Variants in DGKB observed in about 807,000 individuals in gnomAD.
The protein encoded by DGKB is diacylglycerol kinase beta.
In DGKB, 67 loss-of-function variants were observed where a neutral mutation model predicts 114.3. The observed-to-expected ratio is 0.59, with a 90% CI of 0.48 to 0.72. The LOEUF is 0.72. Among genes scored for constraint, DGKB ranks in the 30% least tolerant of loss-of-function variants. The pLI, the probability that DGKB is intolerant of heterozygous loss-of-function variation, is 0.00. For missense variants in DGKB, 907 were observed against 975.2 expected (o/e 0.93, Z 0.93); for synonymous variants, 398 against 323.1 (o/e 1.23, Z -2.49).
chr7:14,239,807 T>C (rs1015053596), intron 23 of DGKB, among the ~76,000 whole-genome samples: 2 of 152,054 alleles, frequency 1.3e-5, no homozygotes, highest in South Asian at 2.1e-4. Context: ...CATAGTTTTA[T>C]GTGTGATTTT....
rs540698710 is a variant in DGKB at position 14,931,013 on chromosome 7, A to C, written c.-188+43683T>G. The stretch of plus-strand genomic sequence containing the variant: ...TTTATGTGTTGTATCACATTTATTA[A>C]TTTGTATATATGTTAAACCATCTTG... On this transcript the variant is annotated intron_variant, in intron 1 of 4. Transcript: ENST00000437998. 3.3e-5 allele frequency among the ~76,000 whole-genome samples: 5 copies of C among 151,844 alleles called. No homozygotes were observed. The South Asian group carries it at 1.0e-3, about 32-fold the overall frequency.
At chr7:14,646,231 TCAGA>T (rs1398208355) in intron 13 of DGKB, among the ~76,000 whole-genome samples, 2 of 152,238 alleles carry the variant, frequency 1.3e-5, no homozygotes, top group South Asian at 4.1e-4. Context: ...TATATTTGTA[TCAGA>T]CAAAGTAGAC....
chr7:14,193,204 T>C (rs1584371074), intron 23 of DGKB, among the ~76,000 whole-genome samples: 1 of 149,682 alleles, frequency 6.7e-6, no homozygotes, highest in African/African-American at 2.4e-5. Flanking sequence ...TATAAAATTC[T>C]GTAGAACTAC....
intron 13 of DGKB, among the ~76,000 whole-genome samples, chr7:14,655,296 C>T (rs1208722327): frequency 1.3e-5 from 2 of 151,624 alleles, no homozygotes; most frequent in African/African-American, 4.8e-5. Flanking sequence ...TGTTCAGCAT[C>T]ACTAATCATC....
chr7:14,402,326 T>A (rs1823258136), intron 21 of DGKB, among the ~76,000 whole-genome samples: 1 of 151,870 alleles, frequency 6.6e-6, no homozygotes. Flanking sequence ...AATTTAATGA[T>A]AAAGATGATA....
intron 16 of DGKB, among the ~76,000 whole-genome samples, chr7:14,610,786 A>T (rs1261731084): frequency 6.6e-6 from 1 of 152,056 alleles, no homozygotes; most frequent in Non-Finnish European, 1.5e-5. Context: ...ACTTAAAAAA[A>T]ATGCCTATCA....
chr7:14,164,763 GTATAATTGGGGA>G (rs1261435734), intron 25 of DGKB, among the ~76,000 whole-genome samples: 1 of 151,972 alleles, frequency 6.6e-6, no homozygotes, highest in Non-Finnish European at 1.5e-5. Context: ...TTTTGGGGGG[GTATAATTGGGGA>G]TTACAGGGAA....
chr7:14,202,138 G>T (rs1785990007), intron 23 of DGKB, among the ~76,000 whole-genome samples: 2 of 152,066 alleles, frequency 1.3e-5, no homozygotes, highest in South Asian at 4.1e-4. Flanking sequence ...TATTTATCTA[G>T]CTCTGTTTAG....
At chr7:14,169,514 C>G (rs7780524) in intron 25 of DGKB, among the ~76,000 whole-genome samples, 2 of 151,920 alleles carry the variant, frequency 1.3e-5, no homozygotes, top group Admixed American at 1.3e-4. Flanking sequence ...AGGCAAAAAA[C>G]GAAGTACTAT....
chr7:14,154,206 T>A (rs1782639349), intron 25 of DGKB, among the ~76,000 whole-genome samples: 3 of 143,084 alleles, frequency 2.1e-5, no homozygotes, highest in African/African-American at 2.6e-5. Context: ...TTAAGAAAAA[T>A]GAGATCTATT....
intron 23 of DGKB, among the ~76,000 whole-genome samples, chr7:14,332,182 C>A (rs182846434): frequency 2.8e-4 from 42 of 152,154 alleles, no homozygotes; most frequent in Admixed American, 5.9e-4. Context: ...GGCCCCTATT[C>A]TAAGCTTCTA....
rs191585788 is a variant in DGKB, at chr7:14,900,365, A to G, written c.-188+2227T>C. 1.6e-3 allele frequency among the ~76,000 whole-genome samples: 242 copies of G among 152,248 alleles called. 2 individuals are homozygous for G. The Middle Eastern group carries it at 0.017, about 11-fold the overall frequency. ...GGGCAAGTGCTCCTCGGCTAGAGGTACTACTCTTTAGAGAATACTGCAACA... is the reference window on the plus strand; with the variant it reads ...GGGCAAGTGCTCCTCGGCTAGAGGTGCTACTCTTTAGAGAATACTGCAACA... On this transcript the variant is annotated intron_variant, in intron 1 of 25. Coordinates refer to ENST00000402815, the MANE Select transcript of DGKB (RefSeq NM_001350709.2).
At chr7:14,214,773 T>C (rs1373188804) in intron 23 of DGKB, among the ~76,000 whole-genome samples, 2 of 152,070 alleles carry the variant, frequency 1.3e-5, no homozygotes, top group Non-Finnish European at 2.9e-5. Flanking sequence ...AAATACCAAA[T>C]GAAAACTAAA....
rs1554469761 is a variant in DGKB at position 14,488,848 on chromosome 7, A to AAAC, written c.1771-10624_1771-10623insGTT. 3.5e-4 allele frequency among the ~76,000 whole-genome samples: 51 copies of AAAC among 146,556 alleles called. No individual in the cohort carries two copies. In the East Asian group the frequency reaches 4.6e-3, roughly 13 times the overall value. The stretch of plus-strand genomic sequence containing the variant: ...CTCCGTCTCCAAAAAAAAACAAAAA[A>AAAC]AAACAAAAAAAACCCAACAACAACA... On this transcript the variant is annotated intron_variant, in intron 20 of 25. Transcript: ENST00000402815.
At chr7:14,768,828 G>C (rs1482957071) in intron 2 of DGKB, among the ~76,000 whole-genome samples, 1 of 151,826 alleles carries the variant, frequency 6.6e-6, no homozygotes, top group Non-Finnish European at 1.5e-5. Context: ...ATTTAGAAGG[G>C]AAATCTATAA....
intron 13 of DGKB, among the ~76,000 whole-genome samples, chr7:14,643,330 C>G (rs1349611650): frequency 6.9e-6 from 1 of 145,878 alleles, no homozygotes; most frequent in Non-Finnish European, 1.5e-5. Context: ...CAGAGAGTTT[C>G]CTGGAGTTCA....
chr7:14,334,024 A>T (rs1810207737), intron 23 of DGKB, among the ~76,000 whole-genome samples: 1 of 152,146 alleles, frequency 6.6e-6, no homozygotes, highest in Non-Finnish European at 1.5e-5. Context: ...AATTATTATT[A>T]ATATTTGGGG....
intron 21 of DGKB, among the ~76,000 whole-genome samples, chr7:14,446,974 G>A (rs1340118811): frequency 6.6e-6 from 1 of 152,070 alleles, no homozygotes; most frequent in African/African-American, 2.4e-5. Context: ...TGCTCAGAAG[G>A]GACTGTCCCA....
chr7:14,869,905 G>A (rs1451857516), intron 1 of DGKB, among the ~76,000 whole-genome samples: 6 of 152,012 alleles, frequency 3.9e-5, no homozygotes, highest in Non-Finnish European at 7.4e-5. Context: ...TTTATGATCT[G>A]GAAGACAATT....
Sources: allele counts gnomAD v4.1 joint callset (sites outside exome capture counted in the v4.1 genomes callset), GRCh38; gene constraint gnomAD v4.1.1; transcripts MANE v1.5; gene names NCBI Gene and HGNC (gene_info 2026-07-23, HGNC 2026-07-21).